Variants in BTD observed in about 807,000 individuals in gnomAD.
BTD encodes biocytinase.
A neutral mutation model predicts 17.7 loss-of-function variants in BTD; 13 were observed. The observed-to-expected ratio is 0.74, with a 90% confidence interval of 0.48 to 1.17. The LOEUF is 1.17. Ranked by LOEUF, BTD falls within the 50% of genes most tolerant of loss-of-function variation. The probability of loss-of-function intolerance (pLI) is 0.00; values close to 1 mark genes in which losing one functional copy is unlikely to be tolerated. For synonymous variants in BTD, 240 were observed against 245.2 expected (o/e 0.98, Z 0.20); for missense variants, 674 against 650.4 (o/e 1.04, Z -0.39).
At chr3:15,701,832 AGCCTTCCTTGGT>A (rs1262107402) in intron 3 of BTD, among the ~76,000 whole-genome samples, 1 of 152,186 alleles carries the variant, frequency 6.6e-6, no homozygotes, top group African/African-American at 2.4e-5. Context: ...CTCTGTACAC[AGCCTTCCTTGGT>A]GCCGAATTCA....
intron 1 of BTD, among the ~76,000 whole-genome samples, chr3:15,613,663 GT>G (rs1241998861): frequency 6.6e-6 from 1 of 151,862 alleles, no homozygotes. Context: ...TTTTGTCACA[GT>G]TTTTATTTGT....
At chr3:15,601,447 A>T, upstream of BTD, 1 of 1,613,606 alleles carries the variant, frequency 6.2e-7, no homozygotes, top group East Asian at 2.2e-5. Context: ...GCGCTCTGCG[A>T]AGTTACTGTC....
intron 1 of BTD, among the ~76,000 whole-genome samples, chr3:15,623,194 T>C (rs985417188): frequency 2.0e-5 from 3 of 152,210 alleles, no homozygotes; most frequent in Non-Finnish European, 4.4e-5. Context: ...TGGGGATTAC[T>C]ACAATTCAAG....
Position 15,641,932 on chromosome 3 carries a change from G to A in BTD, c.274G>A (p.Glu92Lys), listed in dbSNP as rs397514352. 1 of 1,613,328 alleles carries A rather than the reference G, an allele frequency of 6.2e-7. No individual in the cohort carries two copies. The highest frequency in any genetic ancestry group is 8.5e-7 in the Non-Finnish European group (1 of 1,179,478). The change falls in exon 3 of 4, where the codon GAA becomes AAA. Residue 92 changes from glutamate (E) to lysine (K), a missense_variant. Glu to Lys is a moderately conservative substitution (Grantham distance 56, BLOSUM62 1). Coordinates refer to ENST00000643237, the MANE Select transcript of BTD (RefSeq NM_001370658.1). ...QKDVQIIVFP[E>K]DGIHGFNFTR... is the part of the protein sequence containing the mutation. The stretch of plus-strand genomic sequence containing the variant: ...GGATGTACAGATTATAGTGTTTCCA[G>A]AAGATGGCATTCATGGATTCAACTT...
chr3:15,630,009 T>G, intron 1 of BTD: 1 of 984,808 alleles, frequency 1.0e-6, no homozygotes, highest in Non-Finnish European at 1.2e-6. Flanking sequence ...CAGACAGATT[T>G]CCCCACGCAG....
intron 1 of BTD, chr3:15,630,064 C>T: frequency 1.0e-6 from 1 of 985,424 alleles, no homozygotes; most frequent in African/African-American, 1.7e-5. Flanking sequence ...CTTTTTACAT[C>T]CAGTCATATT....
At chr3:15,668,286 G>C (rs2066083248) in intron 3 of BTD, 1 of 151,894 alleles carries the variant, frequency 6.6e-6, no homozygotes, top group Non-Finnish European at 1.5e-5. Context: ...AATTCCCTCA[G>C]GGAATTCAGA....
intron 2 of BTD, among the ~76,000 whole-genome samples, chr3:15,639,176 A>G (rs1575019805): frequency 6.6e-6 from 1 of 151,814 alleles, no homozygotes. Flanking sequence ...AGATAGGATT[A>G]CTCATCACAT....
intron 3 of BTD, among the ~76,000 whole-genome samples, chr3:15,666,247 G>C (rs1437210576): frequency 6.6e-6 from 1 of 152,162 alleles, no homozygotes; most frequent in Non-Finnish European, 1.5e-5. Context: ...TTCAGTGTGT[G>C]TCTCAACTTC....
At chr3:15,670,568 G>A (rs1236931171) in intron 3 of BTD, 1 of 1,602,458 alleles carries the variant, frequency 6.2e-7, no homozygotes, top group South Asian at 1.1e-5. Context: ...TAGAATTAAA[G>A]ATAAAATTTA....
At chr3:15,711,320 C>T (rs1461368388) in exon 4 of BTD, 2 of 1,489,236 alleles carry the variant, frequency 1.3e-6, no homozygotes, top group Non-Finnish European at 1.9e-6. Context: ...TATTATTTTA[C>T]ACTAAAGAAT....
intron 3 of BTD, among the ~76,000 whole-genome samples, chr3:15,707,160 G>A (rs1369525960): frequency 6.6e-6 from 1 of 151,954 alleles, no homozygotes; most frequent in Non-Finnish European, 1.5e-5. Flanking sequence ...ACTTATTTCT[G>A]CCAATGGTAT....
chr3:15,605,571 C>T (rs1217667427), intron 1 of BTD, among the ~76,000 whole-genome samples: 1 of 151,964 alleles, frequency 6.6e-6, no homozygotes, highest in Non-Finnish European at 1.5e-5. Flanking sequence ...AGAATGTATC[C>T]ATATTTTAAT....
At chr3:15,697,799 A>T (rs1310476079) in intron 3 of BTD, among the ~76,000 whole-genome samples, 1 of 152,204 alleles carries the variant, frequency 6.6e-6, no homozygotes, top group Non-Finnish European at 1.5e-5. Context: ...TAGTTTCAGA[A>T]GGAATGGTAC....
intron 1 of BTD, among the ~76,000 whole-genome samples, chr3:15,603,652 G>A (rs780755685): frequency 6.6e-5 from 10 of 152,018 alleles, no homozygotes; most frequent in South Asian, 6.2e-4. Flanking sequence ...TCGAGACTCC[G>A]TCTCAAAAAA....
chr3:15,677,130 A>G (rs1253843829), intron 3 of BTD: 4 of 1,172,188 alleles, frequency 3.4e-6, no homozygotes, highest in African/African-American at 3.0e-5. Context: ...ACAATCTGCA[A>G]TCCTAGTCCA....
At chr3:15,679,338 C>T (rs2067280433) in intron 3 of BTD, 1 of 1,613,986 alleles carries the variant, frequency 6.2e-7, no homozygotes. Flanking sequence ...ATGCTGGCAC[C>T]TAATGTATCA....
intron 3 of BTD, among the ~76,000 whole-genome samples, chr3:15,679,140 T>C (rs2067261537): frequency 6.6e-6 from 1 of 152,032 alleles, no homozygotes; most frequent in Non-Finnish European, 1.5e-5. Context: ...ATGCACTTTT[T>C]TTTTTTTTGG....
chr3:15,641,817 G>A, intron 2 of BTD, 91 bp from the exon 3 acceptor site: 1 of 1,008,930 alleles, frequency 9.9e-7, no homozygotes, highest in Non-Finnish European at 1.5e-6. Context: ...CTTCCTGATG[G>A]TTGCCAAAAG....
Sources: allele counts gnomAD v4.1 joint callset (sites outside exome capture counted in the v4.1 genomes callset), GRCh38; gene constraint gnomAD v4.1.1; transcripts MANE v1.5; gene names NCBI Gene and HGNC (gene_info 2026-07-23, HGNC 2026-07-21).